Variants in ADAM9 observed in about 807,000 individuals in gnomAD.
ADAM9 encodes disintegrin and metalloproteinase domain-containing protein 9.
A neutral mutation model predicts 108.1 loss-of-function variants in ADAM9; 54 were observed. The observed-to-expected ratio is 0.50, with a 90% CI of 0.40 to 0.63. The LOEUF is 0.63. Among genes scored for constraint, ADAM9 ranks in the 20% least tolerant of loss-of-function variants. The pLI is 0.00. For missense variants in ADAM9, 830 were observed against 997.7 expected (o/e 0.83, Z 2.26); for synonymous variants, 316 against 336.0 (o/e 0.94, Z 0.65).
chr8:39,023,735 C>A, intron 9 of ADAM9, among the ~76,000 whole-genome samples: 1 of 133,796 alleles, frequency 7.5e-6, no homozygotes, highest in South Asian at 2.3e-4. Flanking sequence ...GTTTCTTTTG[C>A]GTTTGTTTTT....
chr8:39,025,823 C>T lies in ADAM9; in HGVS notation c.935C>T (p.Thr312Ile), dbSNP rs1218447794. 2.5e-6 allele frequency: 4 copies of T among 1,614,118 alleles called. No individual in the cohort carries two copies. The highest frequency in any genetic ancestry group is 2.5e-6 in the Non-Finnish European group (3 of 1,180,012). The part of the protein sequence containing the change: ...QLVLKKGFGG[T>I]AGMAFVGTVC... ...TTTAGAAAGAAAGGTTTTGGTGGAA[C>T]TGCAGGAATGGCATTTGTGGGAACA... The change falls in exon 10 of 22, where the codon ACT becomes ATT. Residue 312 changes from threonine (T) to isoleucine (I), a missense_variant. By Grantham distance (89) the Thr-to-Ile change is moderately conservative. Transcript: ENST00000487273.
intron 12 of ADAM9, among the ~76,000 whole-genome samples, chr8:39,044,669 C>T (rs900249090): frequency 2.6e-5 from 4 of 152,028 alleles, no homozygotes; most frequent in Admixed American, 1.3e-4. Flanking sequence ...CCATCACCTC[C>T]ATCTTTATGT....
At chr8:39,030,764 T>G (rs1588355482) in intron 11 of ADAM9, among the ~76,000 whole-genome samples, 1 of 152,250 alleles carries the variant, frequency 6.6e-6, no homozygotes, top group African/African-American at 2.4e-5. Flanking sequence ...GAATTTGGTG[T>G]TGTCAGTGTT....
At chr8:39,082,773 G>T (rs1564365892) in intron 17 of ADAM9, 52 bp downstream of exon 17, 1 of 1,524,090 alleles carries the variant, frequency 6.6e-7, no homozygotes, top group African/African-American at 1.4e-5. Context: ...TAAATAATGA[G>T]AAATCTCAGG....
chr8:39,072,465 C>T (rs985398075), intron 15 of ADAM9, among the ~76,000 whole-genome samples: 1 of 152,170 alleles, frequency 6.6e-6, no homozygotes, highest in African/African-American at 2.4e-5. Context: ...ATTATGCTGG[C>T]CATTTTCTCC....
At position 39,045,413 on chromosome 8, in the gene ADAM9, CGT is replaced by C. The variant is rs1425689274; in HGVS notation, c.1302+3301_1302+3302del. The stretch of plus-strand genomic sequence containing the variant: ...GTGTGTACACACACCTATATGTGCG[CGT>C]GTGTACACACACCTATATGTGCGCG... On this transcript the variant is annotated intron_variant, in intron 12 of 21. Transcript: ENST00000487273. 1.8e-4 allele frequency among the ~76,000 whole-genome samples: 4 copies of C among 21,766 alleles called. 2 individuals are homozygous for C. The highest frequency in any genetic ancestry group is 4.4e-4 in the Non-Finnish European group (4 of 9,184). 14.3% of individuals were successfully genotyped at this position (21,766 alleles called of 152,430 possible). A position where few individuals can be genotyped will look rare whatever the true frequency, so the allele number is the denominator to read the frequency against.
At chr8:39,006,555 A>G (rs1450660819) in intron 1 of ADAM9, among the ~76,000 whole-genome samples, 1 of 150,626 alleles carries the variant, frequency 6.6e-6, no homozygotes, top group Non-Finnish European at 1.5e-5. Context: ...AAGGTATCAT[A>G]GTCATCTAGA....
intron 14 of ADAM9, 68 bp downstream of exon 14, chr8:39,055,840 A>T: frequency 5.5e-6 from 8 of 1,466,542 alleles, no homozygotes; most frequent in Non-Finnish European, 7.5e-6. Context: ...ATTTTAAAAA[A>T]GGTAATGAAA....
chr8:39,098,854 T>A (rs140003389), intron 20 of ADAM9, among the ~76,000 whole-genome samples: 1 of 152,200 alleles, frequency 6.6e-6, no homozygotes, highest in Non-Finnish European at 1.5e-5. Flanking sequence ...ATAAATATAT[T>A]TGAATCCTGA....
At chr8:39,009,696 A>G (rs969029789) in intron 2 of ADAM9, among the ~76,000 whole-genome samples, 1 of 152,226 alleles carries the variant, frequency 6.6e-6, no homozygotes, top group Admixed American at 6.5e-5. Context: ...TGGAGAAGTG[A>G]TATAGTCAGT....
rs894169870 is a variant in ADAM9 at position 39,099,881 on chromosome 8, T to G, written c.2299-1982T>G. ...ATTTTGGGGTATCGTGTTTGTTTTT[T>G]TTTTTTTTTTTTTTTTGAGATGGAG... On this transcript the variant is annotated intron_variant, in intron 20 of 21. Coordinates refer to ENST00000487273, the MANE Select transcript of ADAM9 (RefSeq NM_003816.3). 8.3e-4 allele frequency among the ~76,000 whole-genome samples: 119 copies of G among 143,282 alleles called. 1 individual carries two copies. In the East Asian group the frequency reaches 0.018, roughly 22 times the overall value. 94.0% of individuals were successfully genotyped at this position (143,282 alleles called of 152,430 possible).
chr8:39,017,476 T>A, intron 6 of ADAM9, 62 bp downstream of exon 6: 1 of 1,538,736 alleles, frequency 6.5e-7, no homozygotes, highest in African/African-American at 1.4e-5. Context: ...CATGTATTTA[T>A]TCATGAAATC....
At position 38,997,136 on chromosome 8, in the gene ADAM9, C is replaced by T. The variant is rs1172557203; in HGVS notation, c.73C>T (p.Pro25Ser). Reference protein sequence around the residue: ...RWLLLLGLVGPVLGAARPGFQ... With the variant: ...RWLLLLGLVGSVLGAARPGFQ... ...GTTGCTGTTGCTTGGCCTGGTGGGCCCAGTCCTCGGTGCGGCGCGGCCAGG... is the reference window on the plus strand; with the variant it reads ...GTTGCTGTTGCTTGGCCTGGTGGGCTCAGTCCTCGGTGCGGCGCGGCCAGG... The change falls in exon 1 of 22, where the codon CCA (proline) becomes TCA (serine). Residue 25 changes from proline to serine, a missense_variant. By Grantham distance (74) the Pro-to-Ser change is moderately conservative. Transcript: ENST00000487273. 1 of 1,602,830 alleles carries T rather than the reference C, an allele frequency of 6.2e-7. No homozygotes were observed. Among genetic ancestry groups the T allele is most frequent in the Non-Finnish European group, 8.5e-7 (1 of 1,179,398 alleles).
chr8:39,092,907 A>T (rs1839398727), intron 20 of ADAM9, among the ~76,000 whole-genome samples: 1 of 152,168 alleles, frequency 6.6e-6, no homozygotes, highest in South Asian at 2.1e-4. Context: ...TTCGTTGAAG[A>T]TTAGCTGACC....
chr8:39,097,736 G>C (rs754896951), intron 20 of ADAM9, among the ~76,000 whole-genome samples: 1 of 152,204 alleles, frequency 6.6e-6, no homozygotes, highest in Non-Finnish European at 1.5e-5. Flanking sequence ...TGGACTGTGA[G>C]CCAAACTGCC....
intron 9 of ADAM9, 23 bp downstream of exon 9, chr8:39,023,348 C>T (rs1588346018): frequency 6.3e-7 from 1 of 1,588,080 alleles, no homozygotes. Flanking sequence ...TTTTTAAGTA[C>T]TATTAATGAA....
At chr8:39,030,046 AATATCCCTCAAC>A in intron 11 of ADAM9, among the ~76,000 whole-genome samples, 1 of 152,278 alleles carries the variant, frequency 6.6e-6, no homozygotes, top group South Asian at 2.1e-4. Context: ...TCTCCATTTC[AATATCCCTCAAC>A]AGAGTGGTAT....
At chr8:39,055,298 C>T (rs1838084339) in intron 13 of ADAM9, among the ~76,000 whole-genome samples, 1 of 152,176 alleles carries the variant, frequency 6.6e-6, no homozygotes, top group African/African-American at 2.4e-5. Context: ...TACTAGCAGG[C>T]ACTATACTCC....
intron 1 of ADAM9, among the ~76,000 whole-genome samples, chr8:39,003,841 T>C (rs961281249): frequency 3.3e-5 from 5 of 152,202 alleles, no homozygotes; most frequent in Admixed American, 1.3e-4. Flanking sequence ...CATTTTGCTT[T>C]TCAAATGAGA....
Sources: gnomAD v4.1 joint callset for allele counts (sites outside exome capture counted in the v4.1 genomes callset) on GRCh38, gnomAD v4.1.1 for gene constraint, MANE v1.5 for transcripts, NCBI Gene and HGNC (gene_info 2026-07-23, HGNC 2026-07-21) for gene names.